Variants in TBL1X observed in about 807,000 individuals in gnomAD.
TBL1X encodes transducin beta like 1 X-linked.
Under a neutral mutation model 50.7 loss-of-function variants are expected in TBL1X, and 10 were observed. The observed-to-expected ratio is 0.20, with a 90% CI of 0.12 to 0.33. TBL1X has a LOEUF of 0.33. Among genes scored for constraint, TBL1X ranks in the 10% least tolerant of loss-of-function variants. The pLI is 1.00. For missense variants in TBL1X, 340 were observed against 504.4 expected (o/e 0.67, Z 3.12); for synonymous variants, 190 against 214.7 (o/e 0.88, Z 1.01).
intron 1 of TBL1X, among the ~76,000 whole-genome samples, chrX:9,468,390 AT>A (rs1303137889): frequency 2.7e-5 from 3 of 112,246 alleles, no homozygotes; most frequent in African/African-American, 9.7e-5. Context: ...GTCTGGAGAC[AT>A]TTCCCTTCCT....
rs1185890857 is a variant in TBL1X at position 9,719,236 on chromosome X, A to G, written c.*2990A>G. On this transcript the variant is annotated 3_prime_UTR_variant, in exon 18 of 18. Coordinates refer to ENST00000645353, the MANE Select transcript of TBL1X (RefSeq NM_005647.4). ...AAGGGATGCTGCCCCAAGGGGGACC[A>G]AAAGGGCCGGACGTTACAGGGTGAA... The G allele has an allele frequency of 8.9e-6, 1 of 112,066 alleles. No homozygotes were observed. Among genetic ancestry groups the G allele is most frequent in the African/African-American group, 3.3e-5 (1 of 30,715 alleles). 9.2% of individuals were successfully genotyped at this position (112,066 alleles called of 1,213,427 possible). A position where few individuals can be genotyped will look rare whatever the true frequency, so the allele number is the denominator to read the frequency against.
At chrX:9,589,958 A>G (rs1314270883) in intron 2 of TBL1X, among the ~76,000 whole-genome samples, 2 of 112,028 alleles carry the variant, frequency 1.8e-5, no homozygotes, top group Admixed American at 9.4e-5. Flanking sequence ...AGGACTCAGC[A>G]TCACTCCTGT....
intron 2 of TBL1X, among the ~76,000 whole-genome samples, chrX:9,502,928 G>A (rs954171094): frequency 1.8e-5 from 2 of 112,463 alleles, no homozygotes; most frequent in South Asian, 7.4e-4. Context: ...CAGAACTCAC[G>A]AAGGTCATCA....
chrX:9,574,934 A>G (rs755163064), intron 2 of TBL1X, among the ~76,000 whole-genome samples: 25 of 111,892 alleles, frequency 2.2e-4, no homozygotes, highest in Admixed American at 2.2e-3. Flanking sequence ...GAGTTGTGCA[A>G]TCATCACTAT....
chrX:9,652,540 G>C (rs193128153), intron 3 of TBL1X, among the ~76,000 whole-genome samples: 1 of 112,806 alleles, frequency 8.9e-6, no homozygotes, highest in African/African-American at 3.2e-5. Flanking sequence ...AGACACCAAA[G>C]ACAGTTCCCA....
chrX:9,689,083 T>C (rs1020575492), intron 7 of TBL1X, among the ~76,000 whole-genome samples: 3 of 113,584 alleles, frequency 2.6e-5, no homozygotes, highest in Middle Eastern at 4.6e-3. Context: ...TGCGTGTGTG[T>C]GCACAAGTTT....
intron 2 of TBL1X, among the ~76,000 whole-genome samples, chrX:9,518,287 A>G (rs2082090731): frequency 9.0e-6 from 1 of 111,081 alleles, no homozygotes; most frequent in Non-Finnish European, 1.9e-5. Context: ...GCGAAGCCTA[A>G]GATATTTGCT....
chrX:9,649,722 T>A (rs749798373), intron 3 of TBL1X, among the ~76,000 whole-genome samples: 11 of 111,466 alleles, frequency 9.9e-5, no homozygotes, highest in Non-Finnish European at 1.7e-4. Flanking sequence ...GCTCCTGGGG[T>A]GGGGAATATT....
At chrX:9,470,388 G>A (rs772944317) in intron 1 of TBL1X, among the ~76,000 whole-genome samples, 78 of 112,733 alleles carry the variant, frequency 6.9e-4, no homozygotes, top group African/African-American at 2.4e-3. Flanking sequence ...CGGAGAAGCT[G>A]GGACTAGAGG....
chrX:9,680,070 C>T (rs1208022999), intron 5 of TBL1X, among the ~76,000 whole-genome samples: 1 of 111,756 alleles, frequency 8.9e-6, no homozygotes, highest in Non-Finnish European at 1.9e-5. Context: ...TCTGTGTCTT[C>T]ACATGGTGGA....
chrX:9,709,369 C>T, intron 14 of TBL1X, 47 bp downstream of exon 14: 1 of 1,171,563 alleles, frequency 8.5e-7, no homozygotes, highest in Non-Finnish European at 1.2e-6. Context: ...CTAGACAACC[C>T]CGGGCACTTG....
chrX:9,646,583 T>A (rs769253157), intron 3 of TBL1X, among the ~76,000 whole-genome samples: 5 of 111,547 alleles, frequency 4.5e-5, no homozygotes. Context: ...TTCAAGCAGA[T>A]CTTCCAGTGA....
chrX:9,477,974 G>A (rs2081858490), intron 1 of TBL1X, among the ~76,000 whole-genome samples: 1 of 111,584 alleles, frequency 9.0e-6, no homozygotes, highest in Admixed American at 9.5e-5. Flanking sequence ...ACCTGATTTA[G>A]TGACTTTGCC....
chrX:9,698,295 T>C (rs1281028245), intron 12 of TBL1X, among the ~76,000 whole-genome samples: 1 of 111,523 alleles, frequency 9.0e-6, no homozygotes, highest in African/African-American at 3.3e-5. Context: ...AAAGGGATGC[T>C]GTTTTGGGGG....
At chrX:9,631,847 T>G (rs2082723317) in intron 2 of TBL1X, among the ~76,000 whole-genome samples, 1 of 112,895 alleles carries the variant, frequency 8.9e-6, no homozygotes, top group African/African-American at 3.2e-5. Context: ...AAGTTTTTCT[T>G]CCCCTTCATG....
At chrX:9,467,070 C>T (rs946875614) in intron 1 of TBL1X, among the ~76,000 whole-genome samples, 3 of 112,271 alleles carry the variant, frequency 2.7e-5, no homozygotes, top group African/African-American at 9.7e-5. Context: ...AAACAGTTTG[C>T]AAAAATAACT....
chrX:9,711,341 C>CAAA (rs35046287), intron 15 of TBL1X, among the ~76,000 whole-genome samples: 1 of 76,419 alleles, frequency 1.3e-5, no homozygotes, highest in African/African-American at 4.9e-5. Context: ...GACCCCATCT[C>CAAA]AAAAAAAAAA....
chrX:9,684,834 T>C (rs2083048004), intron 6 of TBL1X, among the ~76,000 whole-genome samples: 1 of 112,164 alleles, frequency 8.9e-6, no homozygotes, highest in Admixed American at 9.4e-5. Context: ...AGTGGACGTT[T>C]GCCTTGCACT....
At chrX:9,556,245 A>G (rs1377688634) in intron 2 of TBL1X, among the ~76,000 whole-genome samples, 2 of 110,617 alleles carry the variant, frequency 1.8e-5, no homozygotes, top group East Asian at 5.7e-4. Context: ...GTGCCGTCAG[A>G]TGTTCTGAAT....
Sources: allele counts gnomAD v4.1 joint callset (sites outside exome capture counted in the v4.1 genomes callset), GRCh38; gene constraint gnomAD v4.1.1; transcripts MANE v1.5; gene names NCBI Gene and HGNC (gene_info 2026-07-23, HGNC 2026-07-21).